The following CDH12 variants were observed in gnomAD, a reference collection of about 807,000 sequenced individuals.
CDH12 encodes cadherin 12.
CDH12 carries 41 observed loss-of-function variants against 74.1 expected under a neutral mutation model. The ratio of observed to expected loss-of-function variants is 0.55; its 90% confidence interval spans 0.43 to 0.72. The LOEUF (loss-of-function observed/expected upper bound fraction) is 0.72. Among genes scored for constraint, CDH12 ranks in the 30% least tolerant of loss-of-function variants. The pLI is 0.00. For missense variants in CDH12, 945 were observed against 977.2 expected (o/e 0.97, Z 0.44); for synonymous variants, 399 against 355.0 (o/e 1.12, Z -1.39).
In CDH12 at chr5:21,999,894, A is replaced by G. The variant is rs199985879; in HGVS notation, c.232-24509T>C. Among the ~76,000 whole-genome samples, 35 of 152,152 alleles carry G rather than the reference A, an allele frequency of 2.3e-4. No homozygotes were observed. The East Asian group carries it at 6.0e-3, about 26-fold the overall frequency. ...ATTAACTTTGTATGTGTAAAAGGGAAATAACTGTGGCAGTTGGGAGAATTA... is the reference window on the plus strand; with the variant it reads ...ATTAACTTTGTATGTGTAAAAGGGAGATAACTGTGGCAGTTGGGAGAATTA... On this transcript the variant is annotated intron_variant, in intron 5 of 14. Transcript: ENST00000382254.
intron 1 of CDH12, among the ~76,000 whole-genome samples, chr5:22,831,988 G>A (rs773443782): frequency 1.3e-5 from 2 of 152,150 alleles, no homozygotes; most frequent in Non-Finnish European, 2.9e-5. Flanking sequence ...ATCTTGATTC[G>A]GCAGGTACTG....
In CDH12 at chr5:22,717,169, TCA is replaced by T. The variant is rs540191636; in HGVS notation, c.-523+135887_-523+135888del. On this transcript the variant is annotated intron_variant, in intron 1 of 14. Transcript: ENST00000382254. ...CTAGGCCCTCACATTCACCCACCTC[TCA>T]CTCACTGACTCACCCAGAGCAACTT... 3.1e-3 allele frequency among the ~76,000 whole-genome samples: 479 copies of T among 152,296 alleles called. 4 individuals are homozygous for T. Among genetic ancestry groups the T allele is most frequent in the African/African-American group, 0.011 (463 of 41,580 alleles).
chr5:22,451,785 C>G (rs1745053978), intron 2 of CDH12, among the ~76,000 whole-genome samples: 1 of 151,960 alleles, frequency 6.6e-6, no homozygotes, highest in Non-Finnish European at 1.5e-5. Flanking sequence ...TCCCTGTTGG[C>G]AGATGGCATT....
chr5:22,509,981 G>GT (rs1176302247), intron 1 of CDH12, among the ~76,000 whole-genome samples: 3 of 151,408 alleles, frequency 2.0e-5, no homozygotes, highest in African/African-American at 7.3e-5. Flanking sequence ...CTTTCACAAC[G>GT]TAAGACCCTA....
intron 9 of CDH12, among the ~76,000 whole-genome samples, chr5:21,810,240 A>C (rs1477774151): frequency 6.6e-6 from 1 of 152,132 alleles, no homozygotes. Flanking sequence ...GTCTAAATAG[A>C]TTTCTTTCAT....
chr5:21,783,144 G>T (rs1007745449), intron 11 of CDH12, among the ~76,000 whole-genome samples: 2 of 152,054 alleles, frequency 1.3e-5, no homozygotes, highest in South Asian at 4.1e-4. Flanking sequence ...TGCACTACTA[G>T]ATATTCATGC....
intron 4 of CDH12, among the ~76,000 whole-genome samples, chr5:22,091,156 A>G (rs1240742354): frequency 6.6e-6 from 1 of 150,550 alleles, no homozygotes; most frequent in Non-Finnish European, 1.5e-5. Flanking sequence ...TGCAGATGAC[A>G]TGATCTTTTA....
intron 3 of CDH12, among the ~76,000 whole-genome samples, chr5:22,326,267 C>T (rs1010877743): frequency 1.3e-5 from 2 of 151,772 alleles, no homozygotes; most frequent in Admixed American, 1.3e-4. Flanking sequence ...CGGATTCTCC[C>T]TCTGTCGCCC....
intron 1 of CDH12, among the ~76,000 whole-genome samples, chr5:22,584,235 G>T (rs1441602818): frequency 6.6e-6 from 1 of 152,022 alleles, no homozygotes; most frequent in African/African-American, 2.4e-5. Context: ...AAGTAGCTGG[G>T]ACTACAGGCA....
At chr5:22,219,415 T>C (rs1485651581) in intron 3 of CDH12, among the ~76,000 whole-genome samples, 1 of 151,752 alleles carries the variant, frequency 6.6e-6, no homozygotes. Context: ...CTCTCAGTTA[T>C]ACTGACTGTA....
intron 5 of CDH12, among the ~76,000 whole-genome samples, chr5:22,027,867 T>C (rs541045336): frequency 1.6e-4 from 24 of 152,254 alleles, no homozygotes; most frequent in African/African-American, 5.8e-4. Context: ...CTTTCGAATG[T>C]GTTTGCTCTT....
intron 5 of CDH12, among the ~76,000 whole-genome samples, chr5:22,003,782 C>A (rs1417788071): frequency 1.1e-5 from 1 of 89,552 alleles, no homozygotes; most frequent in Non-Finnish European, 2.0e-5. Flanking sequence ...TTATTTGTTT[C>A]GTTTCATGAA....
intron 6 of CDH12, among the ~76,000 whole-genome samples, chr5:21,943,241 G>A (rs557452465): frequency 4.0e-5 from 6 of 151,414 alleles, no homozygotes; most frequent in African/African-American, 1.5e-4. Flanking sequence ...ATGTGAAAAT[G>A]GATTAATACA....
intron 3 of CDH12, among the ~76,000 whole-genome samples, chr5:22,249,781 A>G (rs1322138494): frequency 6.6e-6 from 1 of 152,210 alleles, no homozygotes; most frequent in Admixed American, 6.5e-5. Context: ...TGGAAAGGTA[A>G]TGGAGAAATC....
chr5:22,470,326 A>T (rs923669931), intron 2 of CDH12, among the ~76,000 whole-genome samples: 1 of 152,130 alleles, frequency 6.6e-6, no homozygotes, highest in Admixed American at 6.5e-5. Context: ...CTGTACTCCC[A>T]TTATTGAGAC....
chr5:22,088,253 C>T (rs1282259039), intron 4 of CDH12, among the ~76,000 whole-genome samples: 1 of 152,074 alleles, frequency 6.6e-6, no homozygotes, highest in Non-Finnish European at 1.5e-5. Context: ...ACACTCATTG[C>T]CAGCTGTGTT....
chr5:22,443,705 T>C (rs942355647), intron 2 of CDH12, among the ~76,000 whole-genome samples: 2 of 152,088 alleles, frequency 1.3e-5, no homozygotes, highest in East Asian at 1.9e-4. Flanking sequence ...TAGAAAAAAA[T>C]GCAACCTGAT....
intron 1 of CDH12, among the ~76,000 whole-genome samples, chr5:22,787,515 A>C (rs1747697895): frequency 6.6e-6 from 1 of 152,300 alleles, no homozygotes; most frequent in African/African-American, 2.4e-5. Flanking sequence ...TTAGTGATTC[A>C]TTGCTATACA....
At chr5:22,707,384 A>G (rs1302380038) in intron 1 of CDH12, among the ~76,000 whole-genome samples, 1 of 152,170 alleles carries the variant, frequency 6.6e-6, no homozygotes, top group Non-Finnish European at 1.5e-5. Context: ...ACTTTTAACT[A>G]TGATTTCACC....
Sources: gnomAD v4.1 joint callset for allele counts (sites outside exome capture counted in the v4.1 genomes callset) on GRCh38, gnomAD v4.1.1 for gene constraint, MANE v1.5 for transcripts, NCBI Gene and HGNC (gene_info 2026-07-23, HGNC 2026-07-21) for gene names.